Variants in SORL1 observed in about 807,000 individuals in gnomAD.
SORL1 encodes sortilin related receptor 1, also known as sortilin-related receptor.
SORL1 carries 127 observed loss-of-function variants against 273.7 expected under a neutral mutation model. The ratio of observed to expected loss-of-function variants is 0.46; its 90% CI spans 0.40 to 0.54. SORL1 has a LOEUF of 0.54. Among genes scored for constraint, SORL1 ranks in the 20% least tolerant of loss-of-function variants. The pLI, the probability that SORL1 is intolerant of heterozygous loss-of-function variation, is 0.00. For synonymous variants in SORL1, 1,031 were observed against 1,067.4 expected (o/e 0.97, Z 0.66); for missense variants, 2,494 against 2,846.1 (o/e 0.88, Z 2.81).
chr11:121,583,801 A>C (rs1430942338), intron 26 of SORL1, among the ~76,000 whole-genome samples: 1 of 152,262 alleles, frequency 6.6e-6, no homozygotes, highest in Non-Finnish European at 1.5e-5. Context: ...AGTTTGCCCC[A>C]CACACAAACT....
intron 5 of SORL1, among the ~76,000 whole-genome samples, chr11:121,495,156 TC>T (rs1479474289): frequency 6.6e-6 from 1 of 152,200 alleles, no homozygotes; most frequent in African/African-American, 2.4e-5. Flanking sequence ...CAATCATGGC[TC>T]ACCCAGCCTC....
Position 121,611,266 on chromosome 11 carries a change from A to G in SORL1, c.5322+108A>G, listed in dbSNP as rs1011386874. 5.2e-6 allele frequency: 4 copies of G among 765,382 alleles called. No individual in the cohort carries two copies. The Admixed American group carries it at 7.5e-5, about 14-fold the overall frequency. 47.4% of individuals were successfully genotyped at this position (765,382 alleles called of 1,614,324 possible). ...AAAAAAACAAAAAACAAAAAACAAAAAAAACGAACGGCTAGATCTAGTGAA... is the reference window on the plus strand; with the variant it reads ...AAAAAAACAAAAAACAAAAAACAAAGAAAACGAACGGCTAGATCTAGTGAA... On this transcript the variant is annotated intron_variant, in intron 39 of 47. Transcript: ENST00000260197.
chr11:121,557,441 C>T, intron 19 of SORL1, 36 bp downstream of exon 19: 1 of 1,402,942 alleles, frequency 7.1e-7, no homozygotes. Flanking sequence ...AGTCTTGCGT[C>T]CAATGCTACA....
In SORL1 at chr11:121,605,462, A is replaced by T; in HGVS notation, c.4839A>T (p.Val1613=). The T allele has an allele frequency of 6.2e-7, 1 of 1,614,164 alleles. No homozygotes were observed. The highest frequency in any genetic ancestry group is 1.1e-5 in the South Asian group (1 of 91,076). ...LETHSNKTNT[V]LKVLKPDTTY... ...CCCACAGCAATAAGACAAACACTGTATTAAAAGTCTTGAAACCAGATACCA... is the reference window on the plus strand; with the variant it reads ...CCCACAGCAATAAGACAAACACTGTTTTAAAAGTCTTGAAACCAGATACCA... Residue 1613 remains valine (V), a synonymous_variant, in exon 35 of 48, where the codon GTA becomes GTT. Transcript: ENST00000260197.
chr11:121,619,814 C>T lies in SORL1; in HGVS notation c.5786C>T (p.Pro1929Leu), dbSNP rs371030110. 35 of 1,613,974 alleles carry T rather than the reference C, an allele frequency of 2.2e-5. No homozygotes were observed. The highest frequency in any genetic ancestry group is 5.5e-5 in the South Asian group (5 of 91,082). ...GACTACGTTGTAGTGAAGATGATCC[C>T]GGACAGCAGGCTTCCACCCCGTCAC... The part of the protein sequence containing the change: ...SSDYVVVKMI[P>L]DSRLPPRHLH... Residue 1929 changes from proline to leucine, a missense_variant, in exon 43 of 48, where the codon CCG becomes CTG. Transcript: ENST00000260197.
At chr11:121,580,584 T>C (rs1862998517) in intron 25 of SORL1, among the ~76,000 whole-genome samples, 1 of 151,540 alleles carries the variant, frequency 6.6e-6, no homozygotes, top group Non-Finnish European at 1.5e-5. Flanking sequence ...ATGATAGTCA[T>C]TTTTTTCCTC....
intron 39 of SORL1, chr11:121,611,891 A>G (rs1326337886): frequency 6.6e-6 from 1 of 152,426 alleles, no homozygotes; most frequent in Non-Finnish European, 1.5e-5. Context: ...CTGTAATCCC[A>G]GCACTTTGGG....
rs148033617 is a variant in SORL1, at chr11:121,611,862, C to T, written c.5322+704C>T. 265 of 152,490 alleles carry T rather than the reference C, an allele frequency of 1.7e-3. 1 individual carries two copies. The highest frequency in any genetic ancestry group is 2.5e-3 in the Admixed American group (39 of 15,302). The allele number at this position is 152,490 out of a possible 1,614,324, so 9.4% of individuals were successfully genotyped here. A position where few individuals can be genotyped will look rare whatever the true frequency, so the allele number is the denominator to read the frequency against. Reference sequence around the variant, plus strand: ...GGTTGATATAAGAAATGGCCTCGGCCGGGCATGGTGGCTCACGCCTGTAAT... The same window carrying T: ...GGTTGATATAAGAAATGGCCTCGGCTGGGCATGGTGGCTCACGCCTGTAAT... On this transcript the variant is annotated intron_variant, in intron 39 of 47. Coordinates refer to ENST00000260197, the MANE Select transcript of SORL1 (RefSeq NM_003105.6).
intron 5 of SORL1, among the ~76,000 whole-genome samples, chr11:121,491,208 A>G (rs971223622): frequency 1.3e-5 from 2 of 152,324 alleles, no homozygotes; most frequent in South Asian, 2.1e-4. Context: ...TAGAATCTGC[A>G]TCGCTTGATA....
chr11:121,504,011 TTCCAATG>T (rs1484455122), intron 6 of SORL1, among the ~76,000 whole-genome samples: 5 of 152,372 alleles, frequency 3.3e-5, no homozygotes, highest in Non-Finnish European at 5.9e-5. Flanking sequence ...ATATCATGCC[TTCCAATG>T]CATGGACAAA....
At chr11:121,471,379 C>T (rs555134211) in intron 2 of SORL1, among the ~76,000 whole-genome samples, 7 of 152,314 alleles carry the variant, frequency 4.6e-5, no homozygotes, top group African/African-American at 1.4e-4. Context: ...ACAGACACCG[C>T]GTGAGCCAGG....
chr11:121,493,624 G>A (rs1391189447), intron 5 of SORL1, among the ~76,000 whole-genome samples: 4 of 152,128 alleles, frequency 2.6e-5, no homozygotes, highest in Admixed American at 2.0e-4. Flanking sequence ...TTATATATTC[G>A]AGATTAGCCC....
chr11:121,501,523 AT>A (rs1195121690), intron 6 of SORL1, among the ~76,000 whole-genome samples: 1 of 152,244 alleles, frequency 6.6e-6, no homozygotes, highest in Non-Finnish European at 1.5e-5. Flanking sequence ...ACACTGGGTT[AT>A]TTATAAAGAA....
Position 121,625,086 on chromosome 11 carries a change from G to A in SORL1, c.6173G>A (p.Gly2058Asp). The A allele has an allele frequency of 6.2e-7, 1 of 1,606,140 alleles. No individual in the cohort carries two copies. ...GCAATCTCTTGTGTTTGTTTTCAGG[G>A]CTATGAGATACACATGTTTGATAGT... is the stretch of plus-strand genomic sequence containing the variant. Reference protein sequence around the residue: ...LKEKHFNESRGYEIHMFDSAM... With the variant: ...LKEKHFNESRDYEIHMFDSAM... The change falls in exon 46 of 48, where the codon GGC becomes GAC. Residue 2058 changes from glycine (G) to aspartate (D), a missense_variant and splice_region_variant. Transcript: ENST00000260197.
chr11:121,603,120 C>G (rs1346044627), intron 32 of SORL1, among the ~76,000 whole-genome samples: 1 of 152,246 alleles, frequency 6.6e-6, no homozygotes, highest in East Asian at 1.9e-4. Flanking sequence ...ACTCTCCTAC[C>G]TATGGGTCCT....
At chr11:121,544,093 G>A (rs539710838) in intron 13 of SORL1, among the ~76,000 whole-genome samples, 3 of 152,174 alleles carry the variant, frequency 2.0e-5, no homozygotes, top group South Asian at 2.1e-4. Context: ...TGTGCCAAGC[G>A]ACACAGGGTC....
At chr11:121,560,364 T>A (rs1414568395) in intron 21 of SORL1, among the ~76,000 whole-genome samples, 1 of 152,358 alleles carries the variant, frequency 6.6e-6, no homozygotes, top group East Asian at 1.9e-4. Flanking sequence ...GGCTTTGACC[T>A]GCTAGTCCTG....
At chr11:121,575,274 C>T (rs554496028) in intron 24 of SORL1, among the ~76,000 whole-genome samples, 1 of 152,354 alleles carries the variant, frequency 6.6e-6, no homozygotes, top group East Asian at 1.9e-4. Context: ...TTGTCAGTTT[C>T]ATGAGACCCA....
In SORL1 at chr11:121,471,920, G is replaced by A. The variant is rs76778644; in HGVS notation, c.402+1797G>A. On this transcript the variant is annotated intron_variant, in intron 2 of 47. Transcript: ENST00000260197. ...AGACTTGTTTGGGGCAATGACTTTG[G>A]CCCATTTATAAATATGATCAGGTTT... Among the ~76,000 whole-genome samples the A allele has an allele frequency of 4.1e-3, 623 of 152,236 alleles. 5 individuals carry two copies. The highest frequency in any genetic ancestry group is 0.014 in the African/African-American group (595 of 41,536).
Sources: allele counts gnomAD v4.1 joint callset (sites outside exome capture counted in the v4.1 genomes callset), GRCh38; gene constraint gnomAD v4.1.1; transcripts MANE v1.5; gene names NCBI Gene and HGNC (gene_info 2026-07-23, HGNC 2026-07-21).